EMC2: variants seen among roughly 807,000 people sequenced by gnomAD.
EMC2 encodes the protein ER membrane protein complex subunit 2.
EMC2 carries 37 observed loss-of-function variants against 51.6 expected under a neutral mutation model. The observed-to-expected ratio is 0.72, with a 90% confidence interval of 0.55 to 0.94. EMC2 has a LOEUF of 0.94. Ranked by LOEUF, EMC2 falls within the 40% of genes least tolerant of loss-of-function variation. The pLI is 0.00. For synonymous variants in EMC2, 131 were observed against 112.4 expected (o/e 1.17, Z -1.04); for missense variants, 359 against 350.9 (o/e 1.02, Z -0.18).
In EMC2 at chr8:108,450,016, A is replaced by G. The variant is rs1037620481; in HGVS notation, c.154+80A>G. On this transcript the variant is annotated intron_variant, in intron 2 of 10. Transcript: ENST00000220853. ...TTTTTTTTTAACTGTTCTTTCATTC[A>G]TGATTTTTCTACTTGTCATATTAAT... 8 of 543,924 alleles carry G rather than the reference A, an allele frequency of 1.5e-5. No homozygotes were observed. In the Admixed American group the frequency reaches 2.0e-4, roughly 13 times the overall value. The allele number at this position is 543,924 out of a possible 1,614,324, so 33.7% of individuals were successfully genotyped here. A position where few individuals can be genotyped will look rare whatever the true frequency, so the allele number is the denominator to read the frequency against.
intron 9 of EMC2, 54 bp downstream of exon 9, chr8:108,476,946 C>A: frequency 2.4e-6 from 2 of 847,312 alleles, no homozygotes; most frequent in South Asian, 1.4e-5. Flanking sequence ...ACTTAAAATC[C>A]ATTTAACTAT....
chr8:108,464,808 C>G (rs182538136), intron 5 of EMC2, among the ~76,000 whole-genome samples: 1 of 152,178 alleles, frequency 6.6e-6, no homozygotes, highest in African/African-American at 2.4e-5. Flanking sequence ...CAGACGTGTT[C>G]CGTAAACGGT....
intron 1 of EMC2, among the ~76,000 whole-genome samples, chr8:108,444,253 C>T (rs1239255208): frequency 1.3e-5 from 2 of 152,178 alleles, no homozygotes; most frequent in Non-Finnish European, 2.9e-5. Flanking sequence ...CCCACTCCTT[C>T]TCAAAACACA....
intron 7 of EMC2, 38 bp downstream of exon 7, chr8:108,470,159 T>A (rs1239455712): frequency 7.2e-7 from 1 of 1,388,170 alleles, no homozygotes; most frequent in East Asian, 2.3e-5. Flanking sequence ...TTGAGTGCAG[T>A]TTTCATCACT....
intron 7 of EMC2, 37 bp downstream of exon 7, chr8:108,470,158 G>C (rs758854858): frequency 3.5e-6 from 5 of 1,414,294 alleles, no homozygotes; most frequent in Non-Finnish European, 5.0e-6. Context: ...GTTGAGTGCA[G>C]TTTTCATCAC....
chr8:108,481,132 T>G (rs1427920635), intron 10 of EMC2, among the ~76,000 whole-genome samples: 1 of 152,084 alleles, frequency 6.6e-6, no homozygotes, highest in African/African-American at 2.4e-5. Context: ...TGTTACCTAG[T>G]TTTTTTGAAA....
At position 108,453,821 on chromosome 8, in the gene EMC2, TC is replaced by T. The variant is rs1005531878; in HGVS notation, c.305+675del. Reference sequence around the variant, plus strand: ...AATTATTAACAAAGGAGTATGGAAGTCTCCAACTTTAATAGTGGATTCATCT... The same window carrying T: ...AATTATTAACAAAGGAGTATGGAAGTTCCAACTTTAATAGTGGATTCATCT... On this transcript the variant is annotated intron_variant, in intron 4 of 10. Coordinates refer to ENST00000220853, the MANE Select transcript of EMC2 (RefSeq NM_014673.5). Among the ~76,000 whole-genome samples the T allele has an allele frequency of 1.7e-3, 265 of 152,272 alleles. 1 individual carries two copies. Among genetic ancestry groups the T allele is most frequent in the African/African-American group, 5.9e-3 (247 of 41,558 alleles).
Position 108,476,829 on chromosome 8 carries a change from G to C in EMC2, c.639G>C (p.Lys213Asn). 1.2e-6 allele frequency: 2 copies of C among 1,608,928 alleles called. No homozygotes were observed. Among genetic ancestry groups the C allele is most frequent in the Non-Finnish European group, 1.7e-6 (2 of 1,176,072 alleles). ...GGLENLELSR[K>N]YFAQALKLNN... Reference sequence around the variant, plus strand: ...TTGAAAACCTCGAACTTTCAAGAAAGTATTTTGCACAGGCATTGAAACTGA... The same window carrying C: ...TTGAAAACCTCGAACTTTCAAGAAACTATTTTGCACAGGCATTGAAACTGA... The change falls in exon 9 of 11, where the codon AAG (lysine) becomes AAC (asparagine). Residue 213 changes from lysine (K) to asparagine (N), a missense_variant. Transcript: ENST00000220853.
At chr8:108,445,014 C>T (rs1045539224) in intron 1 of EMC2, among the ~76,000 whole-genome samples, 2 of 152,038 alleles carry the variant, frequency 1.3e-5, no homozygotes, top group Non-Finnish European at 2.9e-5. Flanking sequence ...TTAGAAAATG[C>T]TATTATGAAG....
chr8:108,458,173 GC>G (rs1175106879), intron 5 of EMC2, among the ~76,000 whole-genome samples: 3 of 152,246 alleles, frequency 2.0e-5, no homozygotes, highest in African/African-American at 7.2e-5. Context: ...GTCTTGGGCA[GC>G]TCCGCCCCAT....
chr8:108,466,805 A>G (rs1184924853), intron 5 of EMC2, among the ~76,000 whole-genome samples: 1 of 152,076 alleles, frequency 6.6e-6, no homozygotes, highest in African/African-American at 2.4e-5. Flanking sequence ...TGAGACCCAG[A>G]AGCCACAAGA....
At chr8:108,453,951 T>C (rs1254591147) in intron 4 of EMC2, among the ~76,000 whole-genome samples, 1 of 152,100 alleles carries the variant, frequency 6.6e-6, no homozygotes, top group African/African-American at 2.4e-5. Flanking sequence ...GAATGAGCCC[T>C]TTATATTATG....
chr8:108,469,948 T>C, intron 6 of EMC2, 37 bp downstream of exon 6: 1 of 1,563,500 alleles, frequency 6.4e-7, no homozygotes, highest in African/African-American at 1.4e-5. Flanking sequence ...TTTGTTATTC[T>C]GATAAATCTT....
At chr8:108,457,941 A>G (rs1819209566) in intron 5 of EMC2, among the ~76,000 whole-genome samples, 1 of 152,200 alleles carries the variant, frequency 6.6e-6, no homozygotes, top group Non-Finnish European at 1.5e-5. Flanking sequence ...TGATCCTGTA[A>G]AATCAAAGGC....
chr8:108,476,087 T>C (rs1810941645), intron 8 of EMC2, 124 bp downstream of exon 8: 3 of 532,618 alleles, frequency 5.6e-6, no homozygotes, highest in Admixed American at 8.1e-5. Context: ...CTGATGAGCA[T>C]TGAATTGTGG....
intron 10 of EMC2, among the ~76,000 whole-genome samples, chr8:108,484,599 T>C (rs557988448): frequency 5.9e-5 from 9 of 152,174 alleles, no homozygotes; most frequent in African/African-American, 2.2e-4. Context: ...ATTTTTACTT[T>C]GCTATTTAAA....
chr8:108,449,430 A>G (rs1818962680), intron 1 of EMC2, among the ~76,000 whole-genome samples: 1 of 152,046 alleles, frequency 6.6e-6, no homozygotes, highest in African/African-American at 2.4e-5. Flanking sequence ...GTGCCACCAT[A>G]GTTGGCTAAT....
chr8:108,451,365 T>C (rs1316823374), intron 3 of EMC2, among the ~76,000 whole-genome samples: 4 of 151,892 alleles, frequency 2.6e-5, no homozygotes, highest in East Asian at 1.9e-4. Flanking sequence ...TTGTGTTTGA[T>C]GTTATTATTA....
At position 108,446,121 on chromosome 8, in the gene EMC2, A is replaced by G. The variant is rs150013680; in HGVS notation, c.40+2423A>G. 245 of 198,064 alleles carry G rather than the reference A, an allele frequency of 1.2e-3. 1 individual carries two copies. The highest frequency in any genetic ancestry group is 5.3e-3 in the African/African-American group (228 of 43,236). 12.3% of individuals were successfully genotyped at this position (198,064 alleles called of 1,614,324 possible). On this transcript the variant is annotated intron_variant, in intron 1 of 10. Coordinates refer to ENST00000220853, the MANE Select transcript of EMC2 (RefSeq NM_014673.5). Reference sequence around the variant, plus strand: ...CTATTATACTCTAAGCATTATGAGTATATAGGAACTTTATCTTTTTCTTTC... The same window carrying G: ...CTATTATACTCTAAGCATTATGAGTGTATAGGAACTTTATCTTTTTCTTTC...
Sources: allele counts gnomAD v4.1 joint callset (sites outside exome capture counted in the v4.1 genomes callset), GRCh38; gene constraint gnomAD v4.1.1; transcripts MANE v1.5; gene names NCBI Gene and HGNC (gene_info 2026-07-23, HGNC 2026-07-21).